RAB27B: variants seen among roughly 807,000 people sequenced by gnomAD.
RAB27B encodes the protein RAB27B, member RAS oncogene family.
RAB27B carries 15 observed loss-of-function variants against 24.6 expected under a neutral mutation model. That is an observed-to-expected ratio of 0.61 (90% confidence interval 0.41 to 0.94). The LOEUF is 0.94. RAB27B is among the 40% of genes least tolerant of loss of function. The pLI is 0.00. For missense variants in RAB27B, 261 were observed against 266.8 expected, an observed-to-expected ratio of 0.98 and a Z score of 0.15; for synonymous variants, 105 against 92.5, an observed-to-expected ratio of 1.14 and a Z score of -0.78.
Position 54,889,444 on chromosome 18 carries a change from C to A in RAB27B, c.*31C>A. On this transcript the variant is annotated 3_prime_UTR_variant, in exon 6 of 6. Coordinates refer to ENST00000262094, the MANE Select transcript of RAB27B (RefSeq NM_004163.4). The stretch of plus-strand genomic sequence containing the variant: ...ACATAGAAACTGAACATCAAGAACC[C>A]CACCAAAATATTACTTTTAAAAACA... 1 of 1,555,526 alleles carries A rather than the reference C, an allele frequency of 6.4e-7. No individual in the cohort carries two copies. Among genetic ancestry groups the A allele is most frequent in the South Asian group, 1.2e-5 (1 of 82,208 alleles).
At chr18:54,794,101 G>A (rs1909338484) in intron 2 of RAB27B, among the ~76,000 whole-genome samples, 1 of 152,158 alleles carries the variant, frequency 6.6e-6, no homozygotes. Context: ...AGGTGTGTAA[G>A]AAGTTTGACA....
Position 54,888,101 on chromosome 18 carries a change from A to G in RAB27B, c.450A>G (p.Glu150=), listed in dbSNP as rs1164365148. 2 of 1,612,794 alleles carry G rather than the reference A, an allele frequency of 1.2e-6. No homozygotes were observed. Among genetic ancestry groups the G allele is most frequent in the South Asian group, 1.1e-5 (1 of 90,860 alleles). The change falls in exon 5 of 6, where the codon GAA becomes GAG. Residue 150 remains glutamate, a synonymous_variant. Transcript: ENST00000262094. ...QREVNERQAR[E]LADKYGIPYF... ...AAGTCAATGAACGGCAAGCTCGGGA[A>G]CTGGCTGACAAATATGGGTAAGTCA...
At chr18:54,801,174 G>A in intron 2 of RAB27B, among the ~76,000 whole-genome samples, 1 of 151,516 alleles carries the variant, frequency 6.6e-6, no homozygotes, top group East Asian at 1.9e-4. Flanking sequence ...CACCACACCT[G>A]GCTAATTTTT....
At chr18:54,826,720 G>A (rs943064431), upstream of RAB27B, among the ~76,000 whole-genome samples, 2 of 152,146 alleles carry the variant, frequency 1.3e-5, no homozygotes, top group South Asian at 2.1e-4. Context: ...CTGTGAGCTC[G>A]GCATTCAGGA....
intron 2 of RAB27B, among the ~76,000 whole-genome samples, chr18:54,818,428 A>C (rs1357622327): frequency 2.0e-5 from 3 of 151,930 alleles, no homozygotes; most frequent in African/African-American, 7.3e-5. Context: ...ATTCCCATAC[A>C]TGTTTATCAC....
At position 54,895,304 on chromosome 18, in the gene RAB27B, C is replaced by G. The variant is rs1284460187; in HGVS notation, c.*5891C>G. Reference sequence around the variant, plus strand: ...TATGAATGTAACTTAAAACTATAAACTTGAAGTTTTTATTCTATATGCCCC... The same window carrying G: ...TATGAATGTAACTTAAAACTATAAAGTTGAAGTTTTTATTCTATATGCCCC... On this transcript the variant is annotated 3_prime_UTR_variant, in exon 6 of 6. Transcript: ENST00000262094. 6.6e-6 allele frequency: 1 copy of G among 152,028 alleles called. No homozygotes were observed. Among genetic ancestry groups the G allele is most frequent in the African/African-American group, 2.4e-5 (1 of 41,420 alleles). The allele number at this position is 152,028 out of a possible 1,614,324, so 9.4% of individuals were successfully genotyped here.
intron 3 of RAB27B, chr18:54,880,524 C>G (rs912622732): frequency 2.0e-5 from 3 of 152,254 alleles, no homozygotes; most frequent in Middle Eastern, 6.8e-3. Context: ...TCGCTTTTAG[C>G]GAGTGTAAAT....
At chr18:54,803,452 C>T (rs929502022) in intron 2 of RAB27B, among the ~76,000 whole-genome samples, 2 of 152,122 alleles carry the variant, frequency 1.3e-5, no homozygotes, top group Non-Finnish European at 2.9e-5. Flanking sequence ...GAGCAGTTTG[C>T]ATTTGTGTTT....
chr18:54,766,164 A>G (rs1908355412), intron 2 of RAB27B, among the ~76,000 whole-genome samples: 1 of 152,222 alleles, frequency 6.6e-6, no homozygotes, highest in South Asian at 2.1e-4. Context: ...GCTTTCTTCC[A>G]TCTTACCACT....
chr18:54,851,013 T>C (rs187283283), intron 1 of RAB27B, among the ~76,000 whole-genome samples: 1 of 152,210 alleles, frequency 6.6e-6, no homozygotes, highest in East Asian at 1.9e-4. Flanking sequence ...CTCTGAGGAT[T>C]ATTTTGAAGA....
In RAB27B at chr18:54,789,470, G is replaced by T. The variant is rs145428740; in HGVS notation, c.-20+71329G>T. On this transcript the variant is annotated intron_variant, in intron 2 of 4. Coordinates refer to the RAB27B transcript ENST00000586570. ...TTGTCCCAATAATTAATAAATAATAGAAAAGTAATATATACAAATACCATT... is the reference window on the plus strand; with the variant it reads ...TTGTCCCAATAATTAATAAATAATATAAAAGTAATATATACAAATACCATT... Among the ~76,000 whole-genome samples, 693 of 151,986 alleles carry T rather than the reference G, an allele frequency of 4.6e-3. 9 individuals are homozygous for T. Among genetic ancestry groups the T allele is most frequent in the African/African-American group, 0.014 (597 of 41,496 alleles).
intron 2 of RAB27B, among the ~76,000 whole-genome samples, chr18:54,810,926 G>A (rs1488836753): frequency 6.6e-6 from 1 of 151,964 alleles, no homozygotes; most frequent in Non-Finnish European, 1.5e-5. Context: ...TAGACTCCTT[G>A]AGACCAGGAA....
intron 2 of RAB27B, among the ~76,000 whole-genome samples, chr18:54,764,405 A>G (rs564903121): frequency 1.3e-5 from 2 of 152,322 alleles, no homozygotes; most frequent in African/African-American, 2.4e-5. Context: ...AGTCTTAGCC[A>G]TACTCCATGT....
At chr18:54,740,036 C>T (rs1910026413) in intron 2 of RAB27B, among the ~76,000 whole-genome samples, 1 of 152,172 alleles carries the variant, frequency 6.6e-6, no homozygotes, top group African/African-American at 2.4e-5. Flanking sequence ...TCTCATTCTG[C>T]AGCTTGCCTC....
chr18:54,791,603 G>T (rs1909248088), intron 2 of RAB27B, among the ~76,000 whole-genome samples: 1 of 152,128 alleles, frequency 6.6e-6, no homozygotes, highest in Admixed American at 6.5e-5. Flanking sequence ...CCCTGGCTAG[G>T]GTTCCACCTC....
intron 4 of RAB27B, among the ~76,000 whole-genome samples, chr18:54,886,600 T>C (rs1043231198): frequency 1.3e-5 from 2 of 152,120 alleles, no homozygotes; most frequent in Admixed American, 6.6e-5. Flanking sequence ...CCATTTAATA[T>C]TGTATTTCAT....
At chr18:54,761,792 G>C (rs932651628) in intron 2 of RAB27B, among the ~76,000 whole-genome samples, 1 of 152,178 alleles carries the variant, frequency 6.6e-6, no homozygotes, top group Admixed American at 6.5e-5. Flanking sequence ...GTTGATATCT[G>C]AATGGCCTCT....
chr18:54,797,369 AC>A (rs1468539400), intron 2 of RAB27B, among the ~76,000 whole-genome samples: 3 of 152,150 alleles, frequency 2.0e-5, no homozygotes, highest in Non-Finnish European at 2.9e-5. Context: ...TACTAAAAAT[AC>A]AAAAAATTAG....
intron 2 of RAB27B, among the ~76,000 whole-genome samples, chr18:54,725,333 A>G (rs1015627728): frequency 3.3e-5 from 5 of 151,466 alleles, no homozygotes; most frequent in African/African-American, 4.8e-5. Context: ...CCTTTGAGTG[A>G]GAACCATTTC....
Sources: gnomAD v4.1 joint callset for allele counts (sites outside exome capture counted in the v4.1 genomes callset) on GRCh38, gnomAD v4.1.1 for gene constraint, MANE v1.5 for transcripts, NCBI Gene and HGNC (gene_info 2026-07-23, HGNC 2026-07-21) for gene names.